The following SH3TC1 variants were observed in gnomAD, a reference collection of about 807,000 sequenced individuals.
SH3TC1 encodes SH3 domain and tetratricopeptide repeat-containing protein 1.
A neutral mutation model predicts 117.3 loss-of-function variants in SH3TC1; 135 were observed. The observed-to-expected ratio is 1.15, with a 90% CI of 1.00 to 1.33. The LOEUF (loss-of-function observed/expected upper bound fraction) is 1.33, where lower values mean the gene tolerates loss of function less well. Among genes scored for constraint, SH3TC1 ranks in the 40% most tolerant of loss-of-function variants. SH3TC1 has a pLI of 0.00. For synonymous variants in SH3TC1, 898 were observed against 816.9 expected (o/e 1.10, Z -1.69); for missense variants, 2,092 against 1,794.3 (o/e 1.17, Z -3.00).
rs772162547 is a variant in SH3TC1, at chr4:8,209,663, A to G, written c.173-85A>G. The G allele has an allele frequency of 1.3e-6, 2 of 1,582,800 alleles. No homozygotes were observed. The highest frequency in any genetic ancestry group is 8.6e-7 in the Non-Finnish European group (1 of 1,164,850). ...GGACAGAACTCACCTCTTTTCTTGC[A>G]GAGAGACCTGGAGCGTTTGGCGCCT... On this transcript the variant is annotated intron_variant, in intron 2 of 17. Transcript: ENST00000245105. The surrounding 1 kb of genome is among the most constrained non-coding windows in gnomAD (Gnocchi z 5.9).
chr4:8,231,843 A>G, intron 12 of SH3TC1, 133 bp from the exon 13 acceptor site: 1 of 1,009,238 alleles, frequency 9.9e-7, no homozygotes, highest in Admixed American at 2.3e-5. Context: ...CGGTGTGCTC[A>G]GCGGTTCCCC....
rs148384602 is a variant in SH3TC1, at chr4:8,227,396, C to A, written c.1702C>A (p.Arg568=). The A allele has an allele frequency of 1.6e-3, 2,544 of 1,551,942 alleles. 37 individuals are homozygous for A. The African/African-American group carries it at 0.031, about 19-fold the overall frequency. The change falls in exon 12 of 18, where the codon CGG becomes AGG. Residue 568 remains arginine, a synonymous_variant. Transcript: ENST00000245105. Reference sequence around the variant, plus strand: ...GGCCAGGCTCTGCTTCCTCCTGGGGCGGCTGTGCAGCAGGAGGCTCAAGCT... The same window carrying A: ...GGCCAGGCTCTGCTTCCTCCTGGGGAGGCTGTGCAGCAGGAGGCTCAAGCT... ...ALARLCFLLG[R]LCSRRLKLSQ...
At chr4:8,216,815 T>C in intron 6 of SH3TC1, 142 bp from the exon 7 acceptor site, 1 of 789,570 alleles carries the variant, frequency 1.3e-6, no homozygotes, top group Non-Finnish European at 2.1e-6. Flanking sequence ...CTGAGCCCCT[T>C]TGGGTCTCTG....
In SH3TC1 at chr4:8,183,655, G is replaced by A. The variant is rs1717144985; in HGVS notation, c.-57+1445G>A. 6.6e-6 allele frequency among the ~76,000 whole-genome samples: 1 copy of A among 152,200 alleles called. No individual in the cohort carries two copies. The highest frequency in any genetic ancestry group is 2.4e-5 in the African/African-American group (1 of 41,448). ...CCTCTTAGATTTACAAAACAGTCAG[G>A]AAGACAGTTCAGAGAGTTCTCGTAA... On this transcript the variant is annotated intron_variant, in intron 1 of 16. Coordinates refer to the SH3TC1 transcript ENST00000508641. This position sits in a 1 kb window ranked among gnomAD's most constrained non-coding sequence, Gnocchi z 5.4.
chr4:8,221,243 G>T (rs560815075), intron 9 of SH3TC1, among the ~76,000 whole-genome samples: 2 of 152,150 alleles, frequency 1.3e-5, no homozygotes, highest in East Asian at 3.9e-4. Flanking sequence ...ACTTACAAGG[G>T]GTCAGAGAAG....
In SH3TC1 at chr4:8,205,251, T is replaced by C; in HGVS notation, c.57T>C (p.Pro19=). The C allele has an allele frequency of 6.4e-7, 1 of 1,550,470 alleles. No individual in the cohort carries two copies. The highest frequency in any genetic ancestry group is 8.7e-7 in the Non-Finnish European group (1 of 1,147,126). The change falls in exon 2 of 18, where the codon CCT becomes CCC. Residue 19 remains proline (P), a synonymous_variant. Coordinates refer to ENST00000245105, the MANE Select transcript of SH3TC1 (RefSeq NM_018986.5). This position sits in a 1 kb window ranked among gnomAD's most constrained non-coding sequence, Gnocchi z 5.4. ...AGCCGACCCCCATGGGGAGGGGTCC[T>C]GTGGGACCCTCAGGAGGTGGCAGCA... The part of the protein sequence containing the change: ...TEEPTPMGRG[P]VGPSGGGSTR...
upstream of SH3TC1, among the ~76,000 whole-genome samples, chr4:8,194,608 T>C (rs1315916450): frequency 6.6e-6 from 1 of 152,152 alleles, no homozygotes; most frequent in African/African-American, 2.4e-5. Flanking sequence ...GGGAACAATC[T>C]GGTGTAAAAG....
Position 8,235,529 on chromosome 4 carries a change from C to T in SH3TC1, c.3379C>T (p.Arg1127Trp), listed in dbSNP as rs147031511. The T allele has an allele frequency of 7.0e-5, 113 of 1,603,172 alleles. No individual in the cohort carries two copies. Among genetic ancestry groups the T allele is most frequent in the Middle Eastern group, 1.7e-4 (1 of 6,030 alleles). The stretch of plus-strand genomic sequence containing the variant: ...CATCTTCTTCGACGGGGCCTGGGAG[C>T]GGGAGAAAGCTGTGTCCTTCTACCG... ...GDIFFDGAWE[R>W]EKAVSFYRDR... Residue 1127 changes from arginine (R) to tryptophan (W), a missense_variant, in exon 15 of 18, where the codon CGG becomes TGG. Coordinates refer to ENST00000245105, the MANE Select transcript of SH3TC1 (RefSeq NM_018986.5).
intron 12 of SH3TC1, 103 bp downstream of exon 12, chr4:8,228,747 A>C: frequency 9.8e-7 from 1 of 1,016,780 alleles, no homozygotes; most frequent in Non-Finnish European, 1.4e-6. Context: ...CCACCATCGA[A>C]AGTGCTGAGT....
chr4:8,227,839 C>T lies in SH3TC1; in HGVS notation c.2145C>T (p.Asp715=), dbSNP rs754523945. The T allele has an allele frequency of 2.3e-5, 37 of 1,612,682 alleles. No homozygotes were observed. Among genetic ancestry groups the T allele is most frequent in the Non-Finnish European group, 3.0e-5 (35 of 1,179,990 alleles). Reference sequence around the variant, plus strand: ...CAGACTGCTACCTACTCCTGGCTGACATCTACAGCCGCAAGTGCCTGCCCC... The same window carrying T: ...CAGACTGCTACCTACTCCTGGCTGATATCTACAGCCGCAAGTGCCTGCCCC... ...WLSDCYLLLA[D]IYSRKCLPHL... Residue 715 remains aspartate, a synonymous_variant, in exon 12 of 18, where the codon GAC becomes GAT. Transcript: ENST00000245105.
chr4:8,232,192 A>AG (rs1560111387), intron 13 of SH3TC1, 36 bp downstream of exon 13: 1 of 42,348 alleles, frequency 2.4e-5, no homozygotes, highest in East Asian at 6.5e-4. Context: ...GGGCGGGGGG[A>AG]GGGGGCAAAG....
In SH3TC1 at chr4:8,225,099, G is replaced by C; in HGVS notation, c.1244-76G>C. ...AGCAATGCTCTCACCCTGCAACATC[G>C]ACACTAGCTCAACCTGGCAGGGGAC... On this transcript the variant is annotated intron_variant, in intron 10 of 17. Coordinates refer to ENST00000245105, the MANE Select transcript of SH3TC1 (RefSeq NM_018986.5). The surrounding 1 kb of genome is among the most constrained non-coding windows in gnomAD (Gnocchi z 5.5). 1.9e-6 allele frequency: 3 copies of C among 1,566,032 alleles called. No individual in the cohort carries two copies. The highest frequency in any genetic ancestry group is 2.6e-6 in the Non-Finnish European group (3 of 1,142,940).
At chr4:8,233,625 T>C in intron 14 of SH3TC1, 112 bp downstream of exon 14, 1 of 1,288,632 alleles carries the variant, frequency 7.8e-7, no homozygotes. Context: ...CATTTACCTG[T>C]TCATCCTTCC....
At chr4:8,199,177 TGG>T (rs1367035198), upstream of SH3TC1, 3 of 152,252 alleles carry the variant, frequency 2.0e-5, no homozygotes, top group Non-Finnish European at 1.5e-5. Flanking sequence ...GCAGCCGCCC[TGG>T]GCCTGCCTCT....
chr4:8,188,690 G>T (rs1446894178), intron 1 of SH3TC1, among the ~76,000 whole-genome samples: 1 of 152,224 alleles, frequency 6.6e-6, no homozygotes, highest in African/African-American at 2.4e-5. Flanking sequence ...GCAAGTGAGG[G>T]GAGACCCCGG....
chr4:8,213,062 C>T, intron 4 of SH3TC1: 1 of 544,428 alleles, frequency 1.8e-6, no homozygotes, highest in Non-Finnish European at 3.2e-6. Flanking sequence ...TCTCCCACAG[C>T]CCCAGCAACA....
In SH3TC1 at chr4:8,214,482, C is replaced by G; in HGVS notation, c.383C>G (p.Ser128Ter). The G allele has an allele frequency of 6.2e-7, 1 of 1,613,828 alleles. No individual in the cohort carries two copies. Among genetic ancestry groups the G allele is most frequent in the Non-Finnish European group, 8.5e-7 (1 of 1,179,872 alleles). ...CTATTTCTTTCTCTTAAGGAATTAT[C>G]AGCCAGGCTGCTGTCCATCCACAGT... ...REMARVLGEL[S>*]ARLLSIHSDQ... is the part of the protein sequence containing the mutation. Residue 128 changes from serine (S) to a stop codon, truncating the protein, a stop_gained, in exon 5 of 18, where the codon TCA becomes TGA. Coordinates refer to ENST00000245105, the MANE Select transcript of SH3TC1 (RefSeq NM_018986.5). LOFTEE classifies it high-confidence loss of function.
At chr4:8,237,801 G>A (rs775274207) in intron 17 of SH3TC1, 131 bp downstream of exon 17, 13 of 1,014,612 alleles carry the variant, frequency 1.3e-5, no homozygotes, top group Admixed American at 3.6e-5. Flanking sequence ...CGCTGCGCCC[G>A]GCTGGAGGAG....
At chr4:8,232,905 C>A in intron 13 of SH3TC1, 1 of 1,200,726 alleles carries the variant, frequency 8.3e-7, no homozygotes, top group Non-Finnish European at 1.1e-6. Flanking sequence ...CACCTAGGAG[C>A]TTGTGGCAAG....
Sources: gnomAD v4.1 joint callset for allele counts (sites outside exome capture counted in the v4.1 genomes callset) on GRCh38, gnomAD v4.1.1 for gene constraint, Gnocchi (gnomAD v3.1) non-coding constraint, MANE v1.5 for transcripts, NCBI Gene and HGNC (gene_info 2026-07-23, HGNC 2026-07-21) for gene names.